Variants in PAH observed in about 807,000 individuals in gnomAD.
PAH encodes phenylalanine-4-hydroxylase.
Under a neutral mutation model 62.0 loss-of-function variants are expected in PAH, and 64 were observed. The observed-to-expected ratio is 1.03, with a 90% confidence interval of 0.84 to 1.27. The LOEUF is 1.27. PAH is among the 50% of genes most tolerant of loss of function. The pLI is 0.00. For synonymous variants in PAH, 195 were observed against 196.2 expected (o/e 0.99, Z 0.05); for missense variants, 579 against 542.8 (o/e 1.07, Z -0.66).
intron 2 of PAH, among the ~76,000 whole-genome samples, chr12:102,896,880 A>C (rs1421673694): frequency 1.3e-5 from 2 of 152,198 alleles, no homozygotes; most frequent in Non-Finnish European, 2.9e-5. Flanking sequence ...GCAAGGATGA[A>C]TAAGATATTT....
At chr12:102,843,544 C>T in intron 11 of PAH, 102 bp downstream of exon 11, 2 of 1,118,772 alleles carry the variant, frequency 1.8e-6, no homozygotes, top group South Asian at 2.5e-5. Flanking sequence ...TACAAAGTTG[C>T]TGTAGACATT....
intron 9 of PAH, among the ~76,000 whole-genome samples, chr12:102,845,166 G>A (rs780549410): frequency 7.2e-5 from 11 of 152,298 alleles, no homozygotes; most frequent in Non-Finnish European, 1.2e-4. Flanking sequence ...CTGTGATCAC[G>A]TCTCTGTGTC....
chr12:102,884,641 A>G (rs1209468546), intron 3 of PAH, among the ~76,000 whole-genome samples: 1 of 152,174 alleles, frequency 6.6e-6, no homozygotes, highest in African/African-American at 2.4e-5. Context: ...CTGTGGCATC[A>G]GTCCTTGCAC....
chr12:102,939,485 A>G (rs1417161861), intron 1 of PAH, among the ~76,000 whole-genome samples: 3 of 152,188 alleles, frequency 2.0e-5, no homozygotes, highest in African/African-American at 7.2e-5. Flanking sequence ...CAGAGCTCCC[A>G]GAAGCAACTG....
intron 5 of PAH, among the ~76,000 whole-genome samples, chr12:102,855,831 T>G (rs1875400076): frequency 6.6e-6 from 1 of 152,138 alleles, no homozygotes; most frequent in Admixed American, 6.6e-5. Flanking sequence ...AAACTGGATT[T>G]AATATGTAGG....
At chr12:102,912,388 GAATT>G (rs545030987) in intron 2 of PAH, among the ~76,000 whole-genome samples, 1 of 151,974 alleles carries the variant, frequency 6.6e-6, no homozygotes, top group African/African-American at 2.4e-5. Context: ...GTGAATAAAA[GAATT>G]AATATTTATT....
At chr12:102,877,385 G>T in intron 4 of PAH, 77 bp downstream of exon 4, 1 of 1,008,394 alleles carries the variant, frequency 9.9e-7, no homozygotes, top group Non-Finnish European at 1.6e-6. Flanking sequence ...ATTGCTCCAA[G>T]TAGAGAAGGT....
rs976729864 is a variant in PAH at position 102,837,889 on chromosome 12, G to T, written c.*1286C>A. On this transcript the variant is annotated 3_prime_UTR_variant, in exon 13 of 13. Transcript: ENST00000553106. ...AAAAATGGGGTACTTAAAAATACAG[G>T]TCTCTGGGCCTTATCTTCAGAGATT... is the stretch of plus-strand genomic sequence containing the variant. The T allele has an allele frequency of 6.6e-6, 1 of 152,176 alleles. No homozygotes were observed. Among genetic ancestry groups the T allele is most frequent in the East Asian group, 1.9e-4 (1 of 5,194 alleles). The allele number at this position is 152,176 out of a possible 1,614,324, so 9.4% of individuals were successfully genotyped here.
intron 2 of PAH, among the ~76,000 whole-genome samples, chr12:102,909,696 C>T (rs1042613079): frequency 2.0e-5 from 3 of 152,206 alleles, no homozygotes; most frequent in African/African-American, 7.2e-5. Context: ...TGGTAGCTCA[C>T]GCCTGTAATC....
intron 2 of PAH, among the ~76,000 whole-genome samples, chr12:102,896,558 G>C (rs1294364705): frequency 6.6e-6 from 1 of 152,208 alleles, no homozygotes; most frequent in Non-Finnish European, 1.5e-5. Flanking sequence ...ATGCAGACAA[G>C]ACGTGAAGGT....
rs910271146 is a variant in PAH, at chr12:102,887,590, G to T, written c.352+7145C>A. Among the ~76,000 whole-genome samples the T allele has an allele frequency of 2.6e-5, 4 of 152,128 alleles. No individual in the cohort carries two copies. In the South Asian group the frequency reaches 6.3e-4, roughly 24 times the overall value. ...AGAGCTCTCCCTATTGAAACTTAAG[G>T]ATGTCTAAGATCAAGGGCCTATTCA... is the stretch of plus-strand genomic sequence containing the variant. On this transcript the variant is annotated intron_variant, in intron 3 of 12. Coordinates refer to ENST00000553106, the MANE Select transcript of PAH (RefSeq NM_000277.3).
At chr12:102,888,993 C>T (rs1244261006) in intron 3 of PAH, among the ~76,000 whole-genome samples, 1 of 151,754 alleles carries the variant, frequency 6.6e-6, no homozygotes, top group Non-Finnish European at 1.5e-5. Context: ...GACAGAAAAG[C>T]CAAGCAGAGG....
At position 102,957,983 on chromosome 12, in the gene PAH, A is replaced by G. The variant is rs1231972717; in HGVS notation, c.-96+212T>C. On this transcript the variant is annotated intron_variant, in intron 1 of 4. Coordinates refer to the PAH transcript ENST00000551337. The surrounding 1 kb of genome is among the most constrained non-coding windows in gnomAD (Gnocchi z 4.1). ...GCGCCACGCGAGGCTCCCGAAGCCAACCCGCGAAGGGAGGAGGGGAGGGAG... is the reference window on the plus strand; with the variant it reads ...GCGCCACGCGAGGCTCCCGAAGCCAGCCCGCGAAGGGAGGAGGGGAGGGAG... 9.3e-6 allele frequency: 3 copies of G among 322,584 alleles called. No individual in the cohort carries two copies. The highest frequency in any genetic ancestry group is 4.3e-5 in the African/African-American group (2 of 46,316). 20.0% of individuals were successfully genotyped at this position (322,584 alleles called of 1,614,324 possible).
intron 8 of PAH, among the ~76,000 whole-genome samples, chr12:102,850,446 G>C (rs983120403): frequency 6.6e-6 from 1 of 152,110 alleles, no homozygotes; most frequent in African/African-American, 2.4e-5. Flanking sequence ...GTTTATTTCT[G>C]CCAGCTGAGG....
intron 1 of PAH, among the ~76,000 whole-genome samples, chr12:102,949,477 C>T (rs927776596): frequency 4.6e-5 from 7 of 152,176 alleles, no homozygotes. Context: ...TTACTCAACC[C>T]TCTCATTTTA....
intron 9 of PAH, among the ~76,000 whole-genome samples, chr12:102,846,003 C>A (rs1266183837): frequency 6.6e-6 from 1 of 152,178 alleles, no homozygotes; most frequent in East Asian, 1.9e-4. Context: ...TTGAAAGCCG[C>A]TCCTTGTATC....
At chr12:102,934,550 A>T (rs1420386794) in intron 1 of PAH, among the ~76,000 whole-genome samples, 1 of 152,012 alleles carries the variant, frequency 6.6e-6, no homozygotes, top group African/African-American at 2.4e-5. Context: ...TTTCCAATCT[A>T]TGAATATGGA....
intron 6 of PAH, 28 bp from the exon 7 acceptor site, chr12:102,852,978 A>C (rs374228470): frequency 2.3e-4 from 370 of 1,612,756 alleles, no homozygotes; most frequent in Non-Finnish European, 3.5e-5. Context: ...AAGAAAACTC[A>C]AAGCTCATCA....
chr12:102,898,910 G>A (rs1408136484), intron 2 of PAH, among the ~76,000 whole-genome samples: 2 of 152,062 alleles, frequency 1.3e-5, no homozygotes, highest in Non-Finnish European at 2.9e-5. Context: ...ACCTCAAACA[G>A]GCTCACGGTG....
Sources: gnomAD v4.1 joint callset for allele counts (sites outside exome capture counted in the v4.1 genomes callset) on GRCh38, gnomAD v4.1.1 for gene constraint, Gnocchi (gnomAD v3.1) non-coding constraint, MANE v1.5 for transcripts, NCBI Gene and HGNC (gene_info 2026-07-23, HGNC 2026-07-21) for gene names.